The following TRHR variants were observed in gnomAD, a reference collection of about 807,000 sequenced individuals.
TRHR encodes the protein thyrotropin-releasing hormone receptor.
In TRHR, 14 loss-of-function variants were observed where a neutral mutation model predicts 28.0. The ratio of observed to expected loss-of-function variants is 0.50; its 90% confidence interval spans 0.33 to 0.78. The LOEUF (loss-of-function observed/expected upper bound fraction) is 0.78. TRHR is among the 30% of genes least tolerant of loss of function. The pLI is 0.02. For missense variants in TRHR, 438 were observed against 469.5 expected (o/e 0.93, Z 0.62); for synonymous variants, 176 against 171.9 (o/e 1.02, Z -0.18).
chr8:109,089,928 C>A (rs1287331056), intron 2 of TRHR, among the ~76,000 whole-genome samples: 1 of 152,104 alleles, frequency 6.6e-6, no homozygotes, highest in Admixed American at 6.6e-5. Flanking sequence ...CCTTTCTTTC[C>A]ATTACAGTCA....
At chr8:109,092,757 T>G (rs1586185154) in intron 2 of TRHR, among the ~76,000 whole-genome samples, 1 of 152,182 alleles carries the variant, frequency 6.6e-6, no homozygotes, top group East Asian at 1.9e-4. Flanking sequence ...CTTTTTAAAG[T>G]AATGCACGCC....
intron 2 of TRHR, among the ~76,000 whole-genome samples, chr8:109,111,504 T>C (rs1811829582): frequency 6.6e-6 from 1 of 152,160 alleles, no homozygotes; most frequent in Non-Finnish European, 1.5e-5. Context: ...TATTAAAGAC[T>C]AAATGTTTTG....
intron 2 of TRHR, among the ~76,000 whole-genome samples, chr8:109,114,774 C>T (rs1051677803): frequency 2.6e-5 from 4 of 152,032 alleles, no homozygotes; most frequent in Non-Finnish European, 5.9e-5. Flanking sequence ...AAGTTTATAT[C>T]AAGGGTTCTC....
chr8:109,096,654 T>C (rs1207704694), intron 2 of TRHR, among the ~76,000 whole-genome samples: 2 of 152,338 alleles, frequency 1.3e-5, no homozygotes, highest in Middle Eastern at 3.4e-3. Context: ...AAATTGGTCA[T>C]GGTTGAATTA....
intron 2 of TRHR, among the ~76,000 whole-genome samples, chr8:109,098,591 C>T (rs1259872761): frequency 6.6e-6 from 1 of 152,092 alleles, no homozygotes; most frequent in Non-Finnish European, 1.5e-5. Flanking sequence ...ACTATCTTGC[C>T]ATACTAGGAC....
chr8:109,092,400 TTTATTTA>T (rs1424289888), intron 2 of TRHR, among the ~76,000 whole-genome samples: 5 of 150,780 alleles, frequency 3.3e-5, no homozygotes, highest in Non-Finnish European at 7.4e-5. Flanking sequence ...AACTTTCCTT[TTTATTTA>T]TTATTTATTT....
At chr8:109,104,607 C>A (rs1340138473) in intron 2 of TRHR, among the ~76,000 whole-genome samples, 1 of 151,924 alleles carries the variant, frequency 6.6e-6, no homozygotes, top group Non-Finnish European at 1.5e-5. Context: ...TTGTTGTCAA[C>A]ATTTATTTCA....
chr8:109,103,911 T>C (rs929648326), intron 2 of TRHR, among the ~76,000 whole-genome samples: 1 of 152,156 alleles, frequency 6.6e-6, no homozygotes, highest in Non-Finnish European at 1.5e-5. Flanking sequence ...ATCTTGATTT[T>C]TTAAAAAACA....
intron 2 of TRHR, among the ~76,000 whole-genome samples, chr8:109,099,751 T>C (rs1361942860): frequency 6.6e-6 from 1 of 152,202 alleles, no homozygotes; most frequent in Non-Finnish European, 1.5e-5. Context: ...CAACCTTTCA[T>C]AAACAACACT....
chr8:109,088,404 T>C (rs1586183306), intron 2 of TRHR, 103 bp downstream of exon 2: 1 of 1,181,718 alleles, frequency 8.5e-7, no homozygotes, highest in Non-Finnish European at 1.2e-6. Flanking sequence ...GAAACCAAAA[T>C]ACAATCATGC....
intron 2 of TRHR, among the ~76,000 whole-genome samples, chr8:109,092,073 G>A (rs925826740): frequency 1.3e-5 from 2 of 152,118 alleles, no homozygotes; most frequent in Non-Finnish European, 2.9e-5. Context: ...TTAGTAAAAT[G>A]TAATATCAAT....
At position 109,087,553 on chromosome 8, in the gene TRHR, T is replaced by C. The variant is rs770577046; in HGVS notation, c.41T>C (p.Leu14Pro). ...GTCAGTGAACTGAACCAAACACAGCTTCAGCCACGAGCAGTGGTGGCCTTA... is the reference window on the plus strand; with the variant it reads ...GTCAGTGAACTGAACCAAACACAGCCTCAGCCACGAGCAGTGGTGGCCTTA... ...ETVSELNQTQLQPRAVVALEY... is the reference protein window; with the variant it reads ...ETVSELNQTQPQPRAVVALEY... The change falls in exon 2 of 3, where the codon CTT becomes CCT. Residue 14 changes from leucine to proline, a missense_variant. Coordinates refer to ENST00000518632, the MANE Select transcript of TRHR (RefSeq NM_003301.7). 2 of 1,614,098 alleles carry C rather than the reference T, an allele frequency of 1.2e-6. No individual in the cohort carries two copies. The highest frequency in any genetic ancestry group is 2.7e-5 in the African/African-American group (2 of 74,936).
rs920813887 is a variant in TRHR, at chr8:109,121,408, T to C, written c.*1953T>C. Among the ~76,000 whole-genome samples the C allele has an allele frequency of 5.3e-5, 8 of 151,724 alleles. No homozygotes were observed. Among genetic ancestry groups the C allele is most frequent in the Non-Finnish European group, 1.0e-4 (7 of 67,800 alleles). On this transcript the variant is annotated 3_prime_UTR_variant, in exon 3 of 3. Coordinates refer to ENST00000518632, the MANE Select transcript of TRHR (RefSeq NM_003301.7). ...TCATTACAGAAAGGACCTAATATCA[T>C]TGAGCATCGACTATGTCTCAGGTAT...
intron 2 of TRHR, among the ~76,000 whole-genome samples, chr8:109,102,694 G>A (rs1811694662): frequency 6.6e-6 from 1 of 152,036 alleles, no homozygotes; most frequent in Admixed American, 6.6e-5. Flanking sequence ...AGGAGAAAAG[G>A]CATGGCTGTT....
At chr8:109,094,581 G>A (rs575794665) in intron 2 of TRHR, among the ~76,000 whole-genome samples, 86 of 151,802 alleles carry the variant, frequency 5.7e-4, no homozygotes, top group Non-Finnish European at 1.0e-3. Context: ...TCTATTTTCT[G>A]ATTCACATCC....
At chr8:109,105,607 T>C (rs1811738695) in intron 2 of TRHR, among the ~76,000 whole-genome samples, 1 of 152,130 alleles carries the variant, frequency 6.6e-6, no homozygotes, top group African/African-American at 2.4e-5. Flanking sequence ...AGTTGTGACC[T>C]GTCAGACAGT....
chr8:109,119,183 A>G lies in TRHR; in HGVS notation c.925A>G (p.Ile309Val), dbSNP rs1166237248. The G allele has an allele frequency of 1.9e-6, 3 of 1,612,654 alleles. No individual in the cohort carries two copies. The highest frequency in any genetic ancestry group is 2.2e-5 in the South Asian group (2 of 91,056). Residue 309 changes from isoleucine to valine, a missense_variant, in exon 3 of 3, where the codon ATT (isoleucine) becomes GTT (valine). Physicochemically the swap from Ile to Val is conservative, Grantham distance 29. Transcript: ENST00000518632. ...GTTTTTGCTCTTTTGCAGAATTTGC[A>G]TTTATCTCAACAGTGCCATCAACCC... ...NWFLLFCRICIYLNSAINPVI... is the reference protein window; with the variant it reads ...NWFLLFCRICVYLNSAINPVI...
chr8:109,105,089 A>T (rs1811729532), intron 2 of TRHR, among the ~76,000 whole-genome samples: 1 of 152,126 alleles, frequency 6.6e-6, no homozygotes, highest in African/African-American at 2.4e-5. Context: ...CTGAGCTGTT[A>T]TATGTGCCAG....
intron 2 of TRHR, among the ~76,000 whole-genome samples, chr8:109,093,522 C>T (rs926860838): frequency 4.0e-5 from 6 of 150,114 alleles, no homozygotes; most frequent in African/African-American, 1.5e-4. Context: ...TCTCCTGCCT[C>T]AGCCTCCCGA....
Sources: allele counts gnomAD v4.1 joint callset (sites outside exome capture counted in the v4.1 genomes callset), GRCh38; gene constraint gnomAD v4.1.1; transcripts MANE v1.5; gene names NCBI Gene and HGNC (gene_info 2026-07-23, HGNC 2026-07-21).